Variants in WWP2 observed in about 807,000 individuals in gnomAD.
WWP2 encodes NEDD4-like E3 ubiquitin-protein ligase WWP2.
WWP2 carries 57 observed loss-of-function variants against 121.0 expected under a neutral mutation model. That is an observed-to-expected ratio of 0.47 (90% CI 0.38 to 0.59). WWP2 has a LOEUF of 0.59. WWP2 is among the 20% of genes least tolerant of loss of function. The pLI, the probability that WWP2 is intolerant of heterozygous loss-of-function variation, is 0.00. For missense variants in WWP2, 962 were observed against 1,158.9 expected, an observed-to-expected ratio of 0.83 and a Z score of 2.47; for synonymous variants, 449 against 441.3, an observed-to-expected ratio of 1.02 and a Z score of -0.22.
chr16:69,932,380 CCATTGGGCCTGGAA>C lies in WWP2; in HGVS notation c.1682+493_1682+506del, dbSNP rs2058730325. ...AAATACGTGAATCCATGTGGCCAGT[CCATTGGGCCTGGAA>C]CAGGGGCCTGGGGTGCCCCACTGGG... is the stretch of plus-strand genomic sequence containing the variant. On this transcript the variant is annotated intron_variant, in intron 16 of 23. Coordinates refer to ENST00000359154, the MANE Select transcript of WWP2 (RefSeq NM_001270454.2). Among the ~76,000 whole-genome samples, 3 of 152,340 alleles carry C rather than the reference CCATTGGGCCTGGAA, an allele frequency of 2.0e-5. No individual in the cohort carries two copies. In the South Asian group the frequency reaches 6.2e-4, roughly 32 times the overall value.
rs1165499462 is a variant in WWP2 at position 69,931,141 on chromosome 16, G to C, written c.1446-11G>C. 6.2e-7 allele frequency: 1 copy of C among 1,613,314 alleles called. No homozygotes were observed. Among genetic ancestry groups the C allele is most frequent in the African/African-American group, 1.3e-5 (1 of 74,870 alleles). On this transcript the variant is annotated splice_polypyrimidine_tract_variant and intron_variant, in intron 13 of 23. Transcript: ENST00000359154. ...ATCGCATGAACCCCTGAACATCTTT[G>C]CTCTTCCTAGGACGAAGCAAGGTTC... is the stretch of plus-strand genomic sequence containing the variant.
chr16:69,792,412 T>C (rs1488730061), intron 2 of WWP2, among the ~76,000 whole-genome samples: 2 of 152,192 alleles, frequency 1.3e-5, no homozygotes, highest in East Asian at 3.8e-4. Flanking sequence ...CCTGATTTGT[T>C]GACTTTAAAA....
In WWP2 at chr16:69,846,492, G is replaced by A. The variant is rs1476583739; in HGVS notation, c.575+4372G>A. Among the ~76,000 whole-genome samples the A allele has an allele frequency of 7.9e-5, 12 of 152,244 alleles. No homozygotes were observed. The East Asian group carries it at 1.4e-3, about 17-fold the overall frequency. ...CCCAGCATTTTGGGGAGGTCGAGGC[G>A]GATGGATCACTTGAGGTCAGGAGTT... On this transcript the variant is annotated intron_variant, in intron 6 of 23. Coordinates refer to ENST00000359154, the MANE Select transcript of WWP2 (RefSeq NM_001270454.2).
chr16:69,825,389 A>G (rs1360190661), intron 4 of WWP2, among the ~76,000 whole-genome samples: 1 of 149,884 alleles, frequency 6.7e-6, no homozygotes, highest in African/African-American at 2.4e-5. Context: ...GTGCCACTGC[A>G]CTCCAGCCTG....
At chr16:69,780,934 G>A (rs752324705) in intron 1 of WWP2, among the ~76,000 whole-genome samples, 7 of 152,134 alleles carry the variant, frequency 4.6e-5, no homozygotes, top group Non-Finnish European at 8.8e-5. Flanking sequence ...AATCTGAGGC[G>A]GAAGGATCAC....
chr16:69,786,353 C>T (rs2055789312), intron 1 of WWP2, among the ~76,000 whole-genome samples: 2 of 151,174 alleles, frequency 1.3e-5, no homozygotes, highest in Admixed American at 1.3e-4. Context: ...ATCATCTTGG[C>T]CAGACTGGTG....
chr16:69,937,901 G>T lies in WWP2; in HGVS notation c.2343+249G>T, dbSNP rs2058824133. On this transcript the variant is annotated intron_variant, in intron 21 of 23. Transcript: ENST00000359154. The surrounding 1 kb of genome is among the most constrained non-coding windows in gnomAD (Gnocchi z 6.6). ...CCAGCTGGTGTGCAGGGACAGACCT[G>T]CAGGCAGACAGCAGCTGCCACTGGT... 6.6e-6 allele frequency among the ~76,000 whole-genome samples: 1 copy of T among 152,200 alleles called. No individual in the cohort carries two copies.
Position 69,937,128 on chromosome 16 carries a change from G to C in WWP2, c.2128G>C (p.Asp710His). ...GCTCTTTGGTCTCAGGCTGCTGACTGACTGGCGTTTCACCCGAGGCGTGGA... is the reference window on the plus strand; with the variant it reads ...GCTCTTTGGTCTCAGGCTGCTGACTCACTGGCGTTTCACCCGAGGCGTGGA... ...NKEEYIMLLT[D>H]WRFTRGVEEQ... The change falls in exon 20 of 24, where the codon GAC (aspartate) becomes CAC (histidine). Residue 710 changes from aspartate (D) to histidine (H), a missense_variant. Physicochemically the swap from Asp to His is moderately conservative, Grantham distance 81. This residue lies in a region of WWP2 where 606 missense variants were observed against 772.6 expected (regional missense o/e 0.78). Coordinates refer to ENST00000359154, the MANE Select transcript of WWP2 (RefSeq NM_001270454.2). This position sits in a 1 kb window ranked among gnomAD's most constrained non-coding sequence, Gnocchi z 6.6. 1.2e-6 allele frequency: 2 copies of C among 1,613,982 alleles called. No homozygotes were observed. Among genetic ancestry groups the C allele is most frequent in the Non-Finnish European group, 1.7e-6 (2 of 1,179,966 alleles).
At chr16:69,918,091 GT>G (rs2151973489) in intron 10 of WWP2, among the ~76,000 whole-genome samples, 1 of 152,286 alleles carries the variant, frequency 6.6e-6, no homozygotes, top group Admixed American at 6.5e-5. Context: ...TAGCCTCTGT[GT>G]TTAAGGAATC....
chr16:69,937,255 G>C lies in WWP2; in HGVS notation c.2238+17G>C. The C allele has an allele frequency of 1.9e-6, 3 of 1,612,640 alleles. No homozygotes were observed. The highest frequency in any genetic ancestry group is 2.5e-6 in the Non-Finnish European group (3 of 1,179,522). ...GAGCTGGAGGTGAGTGTCTGAGGTT[G>C]CTGGGACCCTGAGCCCCTGCCTCTG... On this transcript the variant is annotated intron_variant, in intron 20 of 23. Coordinates refer to ENST00000359154, the MANE Select transcript of WWP2 (RefSeq NM_001270454.2). The surrounding 1 kb of genome is among the most constrained non-coding windows in gnomAD (Gnocchi z 6.6).
At chr16:69,777,032 A>G (rs890675061) in intron 1 of WWP2, among the ~76,000 whole-genome samples, 1 of 151,712 alleles carries the variant, frequency 6.6e-6, no homozygotes, top group Non-Finnish European at 1.5e-5. Flanking sequence ...ATCTTAAAAC[A>G]GTATATGTGT....
chr16:69,852,136 A>G (rs573278096), intron 6 of WWP2, among the ~76,000 whole-genome samples: 24 of 152,336 alleles, frequency 1.6e-4, no homozygotes, highest in Admixed American at 7.8e-4. Context: ...TTGCATTGCC[A>G]CCAGCAGTGA....
intron 9 of WWP2, among the ~76,000 whole-genome samples, chr16:69,916,340 G>A (rs568311188): frequency 7.2e-5 from 11 of 152,212 alleles, no homozygotes; most frequent in East Asian, 1.9e-4. Context: ...GACCAAGGGC[G>A]CACACTCCAC....
chr16:69,778,194 T>TATA (rs1376050437), intron 1 of WWP2, among the ~76,000 whole-genome samples: 51 of 112,294 alleles, frequency 4.5e-4, no homozygotes, highest in East Asian at 1.5e-3. Flanking sequence ...ATATATATAT[T>TATA]TTTTTTTTTT....
intron 22 of WWP2, 57 bp downstream of exon 22, chr16:69,939,180 AG>A (rs2058843036): frequency 1.9e-6 from 3 of 1,564,278 alleles, no homozygotes; most frequent in Non-Finnish European, 2.6e-6. Context: ...GCTCAGAGGG[AG>A]GGGGAAACCT....
intron 9 of WWP2, chr16:69,909,128 A>T: frequency 8.9e-7 from 1 of 1,117,908 alleles, no homozygotes; most frequent in Non-Finnish European, 1.1e-6. Flanking sequence ...GCCTGTCCCT[A>T]AAGGCAGAGT....
At chr16:69,868,030 A>G (rs1391044710) in intron 6 of WWP2, among the ~76,000 whole-genome samples, 1 of 152,210 alleles carries the variant, frequency 6.6e-6, no homozygotes, top group Non-Finnish European at 1.5e-5. Flanking sequence ...CCAAGAGAGG[A>G]AACTGCCAAA....
chr16:69,911,170 C>G (rs1027509481), intron 9 of WWP2, among the ~76,000 whole-genome samples: 1 of 152,192 alleles, frequency 6.6e-6, no homozygotes, highest in Non-Finnish European at 1.5e-5. Flanking sequence ...ATTGAACCAC[C>G]GATTCACTTA....
intron 7 of WWP2, among the ~76,000 whole-genome samples, chr16:69,882,551 A>G (rs1254527535): frequency 1.3e-5 from 2 of 152,184 alleles, no homozygotes; most frequent in African/African-American, 2.4e-5. Context: ...ACATCAGCAA[A>G]GTCAAAACAG....
Sources: gnomAD v4.1 joint callset for allele counts (sites outside exome capture counted in the v4.1 genomes callset) on GRCh38, gnomAD v4.1.1 for gene constraint, gnomAD v4.1.1 regional missense constraint, Gnocchi (gnomAD v3.1) non-coding constraint, MANE v1.5 for transcripts, NCBI Gene and HGNC (gene_info 2026-07-23, HGNC 2026-07-21) for gene names.